The following CCDC171 variants were observed in gnomAD, a reference collection of about 807,000 sequenced individuals.
The protein encoded by CCDC171 is coiled-coil domain containing 171, also known as coiled-coil domain-containing protein 171.
A neutral mutation model predicts 168.2 loss-of-function variants in CCDC171; 177 were observed. The ratio of observed to expected loss-of-function variants is 1.05; its 90% CI spans 0.93 to 1.19. CCDC171 has a LOEUF of 1.19. CCDC171 is among the 50% of genes most tolerant of loss of function. CCDC171 has a pLI of 0.00. For missense variants in CCDC171, 1,991 were observed against 1,539.0 expected (o/e 1.29, Z -4.91); for synonymous variants, 687 against 540.8 (o/e 1.27, Z -3.75).
downstream of CCDC171, among the ~76,000 whole-genome samples, chr9:15,977,698 A>G (rs1236228990): frequency 6.6e-6 from 1 of 152,150 alleles, no homozygotes; most frequent in Admixed American, 6.5e-5. Flanking sequence ...GGCTCCAGAA[A>G]TGTTGTGCGG....
At chr9:15,754,414 T>G (rs1051017343) in intron 18 of CCDC171, among the ~76,000 whole-genome samples, 3 of 152,132 alleles carry the variant, frequency 2.0e-5, no homozygotes, top group African/African-American at 7.2e-5. Flanking sequence ...GATAATACTT[T>G]TTGAGCATTG....
chr9:16,093,523 A>G, the CCDC171 span, among the ~76,000 whole-genome samples: 2 of 152,254 alleles, frequency 1.3e-5, no homozygotes, highest in Non-Finnish European at 2.9e-5. Context: ...CTGATCTCAC[A>G]TGCATTCTAA....
chr9:16,098,680 G>C, the CCDC171 span, among the ~76,000 whole-genome samples: 106 of 152,270 alleles, frequency 7.0e-4, no homozygotes, highest in African/African-American at 2.4e-3. Flanking sequence ...CTACTAGTTG[G>C]GTTTTTGCCA....
intron 3 of CCDC171, among the ~76,000 whole-genome samples, chr9:16,007,093 A>G (rs1411978516): frequency 2.0e-5 from 3 of 152,030 alleles, no homozygotes; most frequent in East Asian, 3.9e-4. Context: ...TCCAGCACCC[A>G]TTGTTTCCTG....
intron 23 of CCDC171, chr9:15,850,348 G>A (rs2061073800): frequency 6.6e-6 from 1 of 151,834 alleles, no homozygotes. Flanking sequence ...TATGAAAATG[G>A]CAAAATATAT....
At chr9:16,105,611 A>G in the CCDC171 span, among the ~76,000 whole-genome samples, 1 of 152,158 alleles carries the variant, frequency 6.6e-6, no homozygotes, top group Non-Finnish European at 1.5e-5. Flanking sequence ...CTCTCTGCAG[A>G]CAGGATCTTT....
chr9:15,563,928 C>T (rs2039517231), intron 1 of CCDC171, 50 bp from the exon 2 acceptor site: 1 of 588,776 alleles, frequency 1.7e-6, no homozygotes, highest in Admixed American at 3.5e-5. Context: ...GAAAAATCTC[C>T]AATAGTATCA....
At chr9:15,974,053 C>T (rs1211206893), downstream of CCDC171, 1 of 152,030 alleles carries the variant, frequency 6.6e-6, no homozygotes, top group Non-Finnish European at 1.5e-5. Context: ...GGGTATCTAA[C>T]TTTACAGGTA....
chr9:15,848,543 C>T (rs1450318935), intron 22 of CCDC171, among the ~76,000 whole-genome samples: 2 of 151,782 alleles, frequency 1.3e-5, no homozygotes, highest in Non-Finnish European at 3.0e-5. Flanking sequence ...TAAAGTTTTA[C>T]CATTTACAGC....
intron 21 of CCDC171, among the ~76,000 whole-genome samples, chr9:15,835,652 C>T (rs899398301): frequency 2.6e-5 from 4 of 152,200 alleles, no homozygotes; most frequent in African/African-American, 7.2e-5. Context: ...GTCTCGAACT[C>T]CTGACCTCAA....
intron 23 of CCDC171, 65 bp downstream of exon 23, chr9:15,849,012 G>A (rs1172293450): frequency 1.1e-5 from 8 of 756,310 alleles, no homozygotes; most frequent in Non-Finnish European, 1.5e-5. Flanking sequence ...ATTTTTATTA[G>A]CCACAAAGTA....
chr9:15,639,852 A>G lies in CCDC171; in HGVS notation c.822+16439A>G, dbSNP rs141949007. Among the ~76,000 whole-genome samples the G allele has an allele frequency of 4.7e-4, 71 of 152,300 alleles. 1 individual carries two copies. Among genetic ancestry groups the G allele is most frequent in the African/African-American group, 1.6e-3 (67 of 41,580 alleles). ...CAAATATGTTTTGGCCATTAATAAA[A>G]CAGTTACAGATGAATTGTAGTTCAG... On this transcript the variant is annotated intron_variant, in intron 7 of 25. Coordinates refer to ENST00000380701, the MANE Select transcript of CCDC171 (RefSeq NM_173550.4).
At chr9:15,622,966 A>T (rs555428073) in intron 6 of CCDC171, among the ~76,000 whole-genome samples, 3 of 152,240 alleles carry the variant, frequency 2.0e-5, no homozygotes, top group Admixed American at 1.3e-4. Flanking sequence ...TAGTTGAACT[A>T]CTGCATTATA....
intron 18 of CCDC171, among the ~76,000 whole-genome samples, chr9:15,762,697 A>G (rs769254698): frequency 6.6e-6 from 1 of 152,168 alleles, no homozygotes; most frequent in Non-Finnish European, 1.5e-5. Context: ...TGCTTATTTG[A>G]CTATAAAATT....
At chr9:15,875,148 G>A (rs1336080554) in intron 24 of CCDC171, 2 of 151,924 alleles carry the variant, frequency 1.3e-5, no homozygotes, top group East Asian at 1.9e-4. Context: ...TTTAATTTCA[G>A]CAAAGCTTAA....
At chr9:15,614,186 C>T (rs1217862762) in intron 6 of CCDC171, among the ~76,000 whole-genome samples, 2 of 152,158 alleles carry the variant, frequency 1.3e-5, no homozygotes, top group Non-Finnish European at 2.9e-5. Flanking sequence ...TATAGACTTG[C>T]ACTTGCATGG....
At chr9:16,066,086 C>A (rs1833987495), downstream of CCDC171, among the ~76,000 whole-genome samples, 1 of 152,140 alleles carries the variant, frequency 6.6e-6, no homozygotes, top group Non-Finnish European at 1.5e-5. Context: ...CCATGGACAT[C>A]AGGAGCTTGA....
chr9:15,841,911 T>C (rs1458858981), intron 21 of CCDC171, among the ~76,000 whole-genome samples: 1 of 152,026 alleles, frequency 6.6e-6, no homozygotes, highest in Non-Finnish European at 1.5e-5. Context: ...AATTCTTGAT[T>C]AATATAATTT....
intron 16 of CCDC171, among the ~76,000 whole-genome samples, chr9:15,739,836 C>T (rs1030041304): frequency 3.3e-5 from 5 of 151,392 alleles, no homozygotes; most frequent in African/African-American, 1.2e-4. Flanking sequence ...CTTCTGGGTT[C>T]AAGTGATTCT....
Sources: gnomAD v4.1 joint callset for allele counts (sites outside exome capture counted in the v4.1 genomes callset) on GRCh38, gnomAD v4.1.1 for gene constraint, MANE v1.5 for transcripts, NCBI Gene and HGNC (gene_info 2026-07-23, HGNC 2026-07-21) for gene names.